Variants in PATL1 observed in about 807,000 individuals in gnomAD.
PATL1 encodes PAT1 homolog 1, processing body mRNA decay factor.
Under a neutral mutation model 100.6 loss-of-function variants are expected in PATL1, and 32 were observed. The observed-to-expected ratio is 0.32, with a 90% confidence interval of 0.24 to 0.43. The LOEUF (loss-of-function observed/expected upper bound fraction) is 0.43. Ranked by LOEUF, PATL1 falls within the 20% of genes least tolerant of loss-of-function variation. PATL1 has a pLI of 1.00. For synonymous variants in PATL1, 332 were observed against 330.0 expected (o/e 1.01, Z -0.07); for missense variants, 747 against 949.9 (o/e 0.79, Z 2.81).
In PATL1 at chr11:59,655,651, T is replaced by C. The variant is rs191015238; in HGVS notation, c.903A>G (p.Leu301=). Residue 301 remains leucine, a synonymous_variant, in exon 8 of 19, where the codon CTA becomes CTG. Coordinates refer to ENST00000300146, the MANE Select transcript of PATL1 (RefSeq NM_152716.3). ...SPLAAMNPKL[L]QGRVGQMLPP... ...GAAGCATCTGCCCAACTCGCCCTTG[T>C]AGCAACTTGGGATTCATGGCAGCAA... 12 of 1,603,136 alleles carry C rather than the reference T, an allele frequency of 7.5e-6. No homozygotes were observed. The highest frequency in any genetic ancestry group is 3.4e-5 in the Admixed American group (2 of 58,236).
intron 2 of PATL1, among the ~76,000 whole-genome samples, chr11:59,664,287 T>C (rs1334182186): frequency 6.6e-6 from 1 of 152,156 alleles, no homozygotes; most frequent in Non-Finnish European, 1.5e-5. Flanking sequence ...AAGGCAATAT[T>C]ATTCCCATCT....
At chr11:59,650,127 G>GAA (rs755879524) in intron 13 of PATL1, among the ~76,000 whole-genome samples, 16 of 61,632 alleles carry the variant, frequency 2.6e-4, no homozygotes, top group African/African-American at 4.4e-4. Context: ...ATCTCAAAAG[G>GAA]AAAAAAAAAA....
At chr11:59,650,379 C>T (rs1256745366) in intron 13 of PATL1, among the ~76,000 whole-genome samples, 2 of 152,204 alleles carry the variant, frequency 1.3e-5, no homozygotes, top group Non-Finnish European at 2.9e-5. Context: ...TTTTCCTCAG[C>T]ACCCAGAATA....
intron 11 of PATL1, among the ~76,000 whole-genome samples, chr11:59,651,989 C>T (rs765730411): frequency 7.2e-6 from 1 of 139,738 alleles, no homozygotes; most frequent in Non-Finnish European, 1.5e-5. Flanking sequence ...CGCTTGAGCC[C>T]AGGAGGTGGA....
At chr11:59,657,385 C>T in intron 5 of PATL1, 145 bp downstream of exon 5, 1 of 737,454 alleles carries the variant, frequency 1.4e-6, no homozygotes, top group Non-Finnish European at 2.0e-6. Flanking sequence ...CTTATTTGTA[C>T]TAATTTCTCC....
chr11:59,667,206 C>G, intron 1 of PATL1: 1 of 522,130 alleles, frequency 1.9e-6, no homozygotes, highest in Non-Finnish European at 2.5e-6. Flanking sequence ...CACAGCATTC[C>G]ATTTCTCTAT....
rs761861344 is a variant in PATL1 at position 59,647,731 on chromosome 11, GA to G, written c.1893+22del. ...ATCACTTATAAAGACTCAAAAGAAA[GA>G]TGTCCCATCTTGCATAGTCACCTCA... On this transcript the variant is annotated intron_variant, in intron 15 of 18. Transcript: ENST00000300146. The G allele has an allele frequency of 6.2e-6, 10 of 1,611,378 alleles. No individual in the cohort carries two copies. The Admixed American group carries it at 1.5e-4, about 24-fold the overall frequency.
intron 1 of PATL1, among the ~76,000 whole-genome samples, chr11:59,667,877 A>G (rs918948758): frequency 6.6e-6 from 1 of 152,190 alleles, no homozygotes; most frequent in African/African-American, 2.4e-5. Flanking sequence ...TATCAAGTAT[A>G]CCTGTCCTCA....
intron 1 of PATL1, among the ~76,000 whole-genome samples, chr11:59,667,466 C>A (rs1409626431): frequency 1.3e-5 from 2 of 152,164 alleles, no homozygotes; most frequent in African/African-American, 4.8e-5. Context: ...TAGGCCTAAA[C>A]TCTAGTGATG....
intron 1 of PATL1, among the ~76,000 whole-genome samples, chr11:59,667,662 G>A (rs141168211): frequency 3.9e-5 from 6 of 152,318 alleles, no homozygotes; most frequent in African/African-American, 1.4e-4. Context: ...AGGCTGTAAG[G>A]CTCAATGTCT....
chr11:59,654,118 C>CCAAAACA, intron 8 of PATL1, 46 bp from the exon 9 acceptor site: 1 of 1,493,916 alleles, frequency 6.7e-7, no homozygotes, highest in African/African-American at 1.4e-5. Flanking sequence ...ATCCTGATGA[C>CCAAAACA]TTGAAATTTT....
At chr11:59,657,457 C>A in intron 5 of PATL1, 73 bp downstream of exon 5, 1 of 1,342,656 alleles carries the variant, frequency 7.4e-7, no homozygotes, top group Non-Finnish European at 9.9e-7. Context: ...CTCCACCCAA[C>A]ATCACCAATT....
chr11:59,662,908 T>G (rs1469182237), intron 2 of PATL1, among the ~76,000 whole-genome samples: 1 of 152,196 alleles, frequency 6.6e-6, no homozygotes, highest in African/African-American at 2.4e-5. Context: ...TCTGTGAGAA[T>G]AGATCTCTGG....
At chr11:59,656,078 T>C (rs1264024841) in intron 6 of PATL1, 33 bp from the exon 7 acceptor site, 1 of 1,158,640 alleles carries the variant, frequency 8.6e-7, no homozygotes, top group Non-Finnish European at 1.2e-6. Context: ...AAAAAGAATA[T>C]GCTATAAAAC....
At chr11:59,647,509 C>T (rs1271208615) in intron 15 of PATL1, among the ~76,000 whole-genome samples, 1 of 152,180 alleles carries the variant, frequency 6.6e-6, no homozygotes, top group Non-Finnish European at 1.5e-5. Flanking sequence ...CACATCTTTA[C>T]AACTATGTCA....
intron 2 of PATL1, 40 bp downstream of exon 2, chr11:59,666,813 G>C: frequency 3.9e-6 from 6 of 1,535,252 alleles, no homozygotes; most frequent in Non-Finnish European, 5.3e-6. Flanking sequence ...GAAAAGAGCA[G>C]GAGGCTAAGA....
At chr11:59,652,330 G>C (rs989082660) in intron 11 of PATL1, 134 bp downstream of exon 11, 4 of 1,302,586 alleles carry the variant, frequency 3.1e-6, no homozygotes, top group Non-Finnish European at 3.1e-6. Context: ...CATTTATTAA[G>C]AACAATGGTA....
chr11:59,645,912 T>G (rs1324948232), intron 15 of PATL1, among the ~76,000 whole-genome samples: 1 of 152,292 alleles, frequency 6.6e-6, no homozygotes, highest in Admixed American at 6.5e-5. Context: ...AAAATGGTAT[T>G]TAGAGATGTG....
chr11:59,651,770 A>G (rs1164229176), intron 11 of PATL1, 129 bp from the exon 12 acceptor site: 1 of 656,614 alleles, frequency 1.5e-6, no homozygotes, highest in African/African-American at 1.8e-5. Flanking sequence ...TGCAAAACTC[A>G]ATGTATCATT....
Sources: allele counts gnomAD v4.1 joint callset (sites outside exome capture counted in the v4.1 genomes callset), GRCh38; gene constraint gnomAD v4.1.1; transcripts MANE v1.5; gene names NCBI Gene and HGNC (gene_info 2026-07-23, HGNC 2026-07-21).